Variants in TRPC4AP observed in about 807,000 individuals in gnomAD.
TRPC4AP encodes the protein short transient receptor potential channel 4-associated protein.
TRPC4AP carries 45 observed loss-of-function variants against 99.0 expected under a neutral mutation model. The ratio of observed to expected loss-of-function variants is 0.45; its 90% CI spans 0.36 to 0.58. The LOEUF (loss-of-function observed/expected upper bound fraction) is 0.58, where lower values mean the gene tolerates loss of function less well. TRPC4AP is among the 20% of genes least tolerant of loss of function. The pLI, the probability that TRPC4AP is intolerant of heterozygous loss-of-function variation, is 0.00. For missense variants in TRPC4AP, 879 were observed against 985.3 expected, an observed-to-expected ratio of 0.89 and a Z score of 1.44; for synonymous variants, 408 against 385.8, an observed-to-expected ratio of 1.06 and a Z score of -0.67.
chr20:35,080,584 A>G (rs907478956), intron 1 of TRPC4AP, among the ~76,000 whole-genome samples: 7 of 151,180 alleles, frequency 4.6e-5, no homozygotes, highest in Non-Finnish European at 1.0e-4. Context: ...TCAAAAGGCC[A>G]TATATTGTCT....
Position 35,008,389 on chromosome 20 carries a change from T to C in TRPC4AP, c.1595+275A>G, listed in dbSNP as rs531684397. On this transcript the variant is annotated intron_variant, in intron 13 of 18. Transcript: ENST00000252015. ...AAACAGCACAGCTCTAGGGAATTCATGGCAGGGCCCGTATCCTAGTTCTCT... is the reference window on the plus strand; with the variant it reads ...AAACAGCACAGCTCTAGGGAATTCACGGCAGGGCCCGTATCCTAGTTCTCT... Among the ~76,000 whole-genome samples the C allele has an allele frequency of 4.6e-5, 7 of 152,284 alleles. No individual in the cohort carries two copies. In the South Asian group the frequency reaches 1.4e-3, roughly 32 times the overall value.
chr20:35,058,771 C>T (rs2083905426), intron 3 of TRPC4AP, among the ~76,000 whole-genome samples: 1 of 142,458 alleles, frequency 7.0e-6, no homozygotes, highest in Non-Finnish European at 1.5e-5. Flanking sequence ...CTCACTGCAA[C>T]CTCCGCCTCC....
At chr20:35,071,653 G>C (rs2084318987) in intron 2 of TRPC4AP, among the ~76,000 whole-genome samples, 1 of 152,094 alleles carries the variant, frequency 6.6e-6, no homozygotes, top group Non-Finnish European at 1.5e-5. Context: ...TGGTGTATAT[G>C]TGCCACATTT....
intron 16 of TRPC4AP, among the ~76,000 whole-genome samples, chr20:35,004,820 C>T (rs1216327453): frequency 2.0e-5 from 3 of 152,208 alleles, no homozygotes; most frequent in Non-Finnish European, 4.4e-5. Flanking sequence ...GGCAGCTCTC[C>T]CTCAGCCCTC....
rs1420151950 is a variant in TRPC4AP, at chr20:35,034,038, G to A, written c.1051+1085C>T. On this transcript the variant is annotated intron_variant, in intron 8 of 18. Transcript: ENST00000252015. ...CGGGCGCCTGTAGTCCCAGCTACTC[G>A]GGAGGCTGAGGCAGGAGAATGGCGT... Among the ~76,000 whole-genome samples the A allele has an allele frequency of 3.8e-4, 20 of 52,518 alleles. 6 individuals carry two copies. The highest frequency in any genetic ancestry group is 6.6e-4 in the Non-Finnish European group (17 of 25,918). The allele number at this position is 52,518 out of a possible 152,430, so 34.5% of individuals were successfully genotyped here.
At chr20:35,007,287 C>A (rs1479869825) in intron 14 of TRPC4AP, among the ~76,000 whole-genome samples, 1 of 152,176 alleles carries the variant, frequency 6.6e-6, no homozygotes, top group Non-Finnish European at 1.5e-5. Context: ...AAAATATCTT[C>A]AGGGTCAAAA....
chr20:35,048,871 A>G (rs900900894), intron 6 of TRPC4AP, among the ~76,000 whole-genome samples: 3 of 152,210 alleles, frequency 2.0e-5, no homozygotes, highest in African/African-American at 7.2e-5. Context: ...CAAAGGGCAC[A>G]AAGGGTCTGT....
intron 3 of TRPC4AP, among the ~76,000 whole-genome samples, chr20:35,058,687 CTT>C (rs71196781): frequency 3.6e-5 from 4 of 110,364 alleles, no homozygotes; most frequent in Non-Finnish European, 3.5e-5. Flanking sequence ...AAAGAAAATT[CTT>C]TTTTTTTTTT....
At chr20:35,051,615 T>TAAAA (rs56666362) in intron 5 of TRPC4AP, among the ~76,000 whole-genome samples, 9 of 115,422 alleles carry the variant, frequency 7.8e-5, no homozygotes, top group African/African-American at 1.5e-4. Context: ...ACTGACACAT[T>TAAAA]AAAAAAAAAA....
intron 8 of TRPC4AP, among the ~76,000 whole-genome samples, chr20:35,022,764 T>C (rs970250050): frequency 1.3e-5 from 2 of 152,234 alleles, no homozygotes; most frequent in Admixed American, 1.3e-4. Flanking sequence ...CTCATGCCTA[T>C]GATCCCAGGA....
chr20:35,043,758 A>G lies in TRPC4AP; in HGVS notation c.865+747T>C, dbSNP rs547506968. ...AACAATTGTAACAAGATGCTGTAATAAGAGTTATACGAATGTGGTCTCTCT... is the reference window on the plus strand; with the variant it reads ...AACAATTGTAACAAGATGCTGTAATGAGAGTTATACGAATGTGGTCTCTCT... On this transcript the variant is annotated intron_variant, in intron 7 of 18. Coordinates refer to ENST00000252015, the MANE Select transcript of TRPC4AP (RefSeq NM_015638.3). Among the ~76,000 whole-genome samples the G allele has an allele frequency of 2.0e-4, 30 of 152,340 alleles. No individual in the cohort carries two copies. The South Asian group carries it at 4.3e-3, about 22-fold the overall frequency.
chr20:35,025,401 G>A (rs997556589), intron 8 of TRPC4AP, among the ~76,000 whole-genome samples: 2 of 152,040 alleles, frequency 1.3e-5, no homozygotes, highest in Non-Finnish European at 2.9e-5. Context: ...TGTTTGAGCT[G>A]GTCTTGAACA....
intron 17 of TRPC4AP, among the ~76,000 whole-genome samples, chr20:35,003,947 C>T (rs929205595): frequency 6.6e-6 from 1 of 152,218 alleles, no homozygotes; most frequent in African/African-American, 2.4e-5. Context: ...GCGGTTATCC[C>T]GCTTCAGAAG....
intron 16 of TRPC4AP, 28 bp downstream of exon 16, chr20:35,005,667 T>A (rs374281679): frequency 1.1e-5 from 17 of 1,604,224 alleles, no homozygotes; most frequent in Non-Finnish European, 1.5e-5. Context: ...CCTGCATGAC[T>A]TGCCTTGACA....
intron 8 of TRPC4AP, among the ~76,000 whole-genome samples, chr20:35,024,028 G>A (rs1202472384): frequency 1.3e-5 from 2 of 152,174 alleles, no homozygotes; most frequent in African/African-American, 4.8e-5. Context: ...ACCAGCTCAC[G>A]AGGCCTGTGC....
At chr20:35,071,943 C>T (rs1457024299) in intron 2 of TRPC4AP, among the ~76,000 whole-genome samples, 1 of 152,168 alleles carries the variant, frequency 6.6e-6, no homozygotes, top group African/African-American at 2.4e-5. Context: ...CTCTCCAGCA[C>T]CTGTTGTTTC....
intron 7 of TRPC4AP, among the ~76,000 whole-genome samples, chr20:35,035,833 A>G (rs1240526126): frequency 1.0e-5 from 1 of 97,876 alleles, no homozygotes; most frequent in African/African-American, 3.9e-5. Context: ...GTTAGAGAGT[A>G]AATTATTAAA....
rs775157241 is a variant in TRPC4AP at position 35,010,268 on chromosome 20, T to G, written c.1430A>C (p.Asn477Thr). 1 of 1,614,132 alleles carries G rather than the reference T, an allele frequency of 6.2e-7. No homozygotes were observed. ...DHHENKYLLL[N>T]NQELNELSAI... is the part of the protein sequence containing the mutation. Reference sequence around the variant, plus strand: ...ACTGAGTTCATTCAGCTCCTGGTTGTTGAGTAACAAGTACTTGTTCCTGAA... The same window carrying G: ...ACTGAGTTCATTCAGCTCCTGGTTGGTGAGTAACAAGTACTTGTTCCTGAA... Residue 477 changes from asparagine (N) to threonine (T), a missense_variant, in exon 12 of 19, where the codon AAC becomes ACC. Asn to Thr is a moderately conservative substitution (Grantham distance 65, BLOSUM62 0). Coordinates refer to ENST00000252015, the MANE Select transcript of TRPC4AP (RefSeq NM_015638.3).
At chr20:35,055,954 C>T (rs915478383) in intron 4 of TRPC4AP, among the ~76,000 whole-genome samples, 7 of 152,184 alleles carry the variant, frequency 4.6e-5, no homozygotes, top group Non-Finnish European at 8.8e-5. Context: ...TGAGTATGAA[C>T]CATGGACAAA....
Sources: gnomAD v4.1 joint callset for allele counts (sites outside exome capture counted in the v4.1 genomes callset) on GRCh38, gnomAD v4.1.1 for gene constraint, MANE v1.5 for transcripts, NCBI Gene and HGNC (gene_info 2026-07-23, HGNC 2026-07-21) for gene names.